The following TCEA3 variants were observed in gnomAD, a reference collection of about 807,000 sequenced individuals.
The protein encoded by TCEA3 is transcription elongation factor A3.
Under a neutral mutation model 44.0 loss-of-function variants are expected in TCEA3, and 36 were observed. The ratio of observed to expected loss-of-function variants is 0.82; its 90% CI spans 0.63 to 1.08. TCEA3 has a LOEUF of 1.08. Among genes scored for constraint, TCEA3 ranks in the 50% least tolerant of loss-of-function variants. TCEA3 has a pLI of 0.00. For missense variants in TCEA3, 392 were observed against 441.2 expected (o/e 0.89, Z 1.00); for synonymous variants, 162 against 159.7 (o/e 1.01, Z -0.11).
intron 8 of TCEA3, among the ~76,000 whole-genome samples, chr1:23,392,765 AC>A (rs1397663102): frequency 6.6e-6 from 1 of 150,554 alleles, no homozygotes; most frequent in East Asian, 2.0e-4. Context: ...TACACACCAC[AC>A]ACACACCCAC....
chr1:23,404,538 TAAG>T (rs999576350), intron 5 of TCEA3, among the ~76,000 whole-genome samples: 1 of 152,098 alleles, frequency 6.6e-6, no homozygotes, highest in Non-Finnish European at 1.5e-5. Flanking sequence ...TGGTTAGCCC[TAAG>T]AAGGGAGAGG....
chr1:23,408,423 AAATG>A (rs1384896189), intron 5 of TCEA3: 4 of 438,132 alleles, frequency 9.1e-6, no homozygotes, highest in African/African-American at 8.0e-5. Flanking sequence ...ATGAATGAAT[AAATG>A]AATGAATACA....
chr1:23,384,225 T>C, intron 10 of TCEA3, 121 bp downstream of exon 10: 6 of 1,577,166 alleles, frequency 3.8e-6, no homozygotes, highest in African/African-American at 1.3e-5. Context: ...GCAGACCTAC[T>C]CTGTGCAGGC....
intron 5 of TCEA3, among the ~76,000 whole-genome samples, chr1:23,405,006 T>C (rs1474474569): frequency 2.0e-5 from 3 of 151,978 alleles, no homozygotes; most frequent in Non-Finnish European, 4.4e-5. Context: ...GGTGTCTGGC[T>C]TTTCTTTAAA....
intron 5 of TCEA3, among the ~76,000 whole-genome samples, chr1:23,401,022 G>C (rs1351140785): frequency 1.3e-5 from 2 of 152,156 alleles, no homozygotes; most frequent in East Asian, 3.9e-4. Context: ...TGAGAGTGAG[G>C]CTAACTGAGT....
chr1:23,392,377 ACATCATACACAAAACACACTCCACACAT>A (rs201204625), intron 8 of TCEA3, among the ~76,000 whole-genome samples: 17 of 148,814 alleles, frequency 1.1e-4, no homozygotes, highest in East Asian at 6.0e-4. Flanking sequence ...CACACTCCAC[ACATCATACACAAAACACACTCCACACAT>A]CATCATGCAC....
chr1:23,408,839 C>T, intron 4 of TCEA3, 113 bp from the exon 5 acceptor site: 1 of 959,034 alleles, frequency 1.0e-6, no homozygotes, highest in South Asian at 1.6e-5. Flanking sequence ...GCTAAGGAAG[C>T]CCACCCGGGC....
At chr1:23,415,591 G>C (rs1639866288) in intron 4 of TCEA3, among the ~76,000 whole-genome samples, 1 of 152,204 alleles carries the variant, frequency 6.6e-6, no homozygotes, top group Non-Finnish European at 1.5e-5. Context: ...GCATGAACAG[G>C]AGGTAATCCA....
At chr1:23,423,098 C>A (rs988031855) in intron 1 of TCEA3, among the ~76,000 whole-genome samples, 1 of 152,196 alleles carries the variant, frequency 6.6e-6, no homozygotes, top group Non-Finnish European at 1.5e-5. Flanking sequence ...AATGCTCCCC[C>A]AAGACTTGTG....
rs552836187 is a variant in TCEA3 at position 23,411,755 on chromosome 1, AAGAG to A, written c.381-3033_381-3030del. The stretch of plus-strand genomic sequence containing the variant: ...CTCCAGAGCAAGGTTGAAGGAAAAA[AAGAG>A]AGAAAGACAAATTCCTTTACTATTA... On this transcript the variant is annotated intron_variant, in intron 4 of 10. Coordinates refer to ENST00000450454, the MANE Select transcript of TCEA3 (RefSeq NM_003196.3). Among the ~76,000 whole-genome samples, 346 of 152,348 alleles carry A rather than the reference AAGAG, an allele frequency of 2.3e-3. 1 individual carries two copies. The highest frequency in any genetic ancestry group is 8.1e-3 in the African/African-American group (336 of 41,586).
At chr1:23,418,229 A>G in intron 2 of TCEA3, 1 of 542,828 alleles carries the variant, frequency 1.8e-6, no homozygotes, top group Non-Finnish European at 3.3e-6. Context: ...GACATGGAGG[A>G]TATCTGTAGC....
At chr1:23,412,623 A>G (rs990227781) in intron 4 of TCEA3, among the ~76,000 whole-genome samples, 4 of 151,814 alleles carry the variant, frequency 2.6e-5, no homozygotes, top group African/African-American at 9.7e-5. Context: ...CAGAAGAATC[A>G]CTTGAACCTG....
intron 8 of TCEA3, 121 bp from the exon 9 acceptor site, chr1:23,387,540 G>A: frequency 3.3e-6 from 4 of 1,223,996 alleles, no homozygotes; most frequent in Non-Finnish European, 4.4e-6. Context: ...GCAAGGAGCT[G>A]GAAGGAGGCC....
At chr1:23,385,465 C>G (rs1638808279) in intron 9 of TCEA3, among the ~76,000 whole-genome samples, 1 of 152,198 alleles carries the variant, frequency 6.6e-6, no homozygotes, top group South Asian at 2.1e-4. Context: ...CGGAAAGGTG[C>G]TTGGGAGAGA....
chr1:23,401,348 C>T (rs1639389149), intron 5 of TCEA3, among the ~76,000 whole-genome samples: 1 of 152,114 alleles, frequency 6.6e-6, no homozygotes, highest in Admixed American at 6.5e-5. Context: ...CATTTCCTAG[C>T]TTTTATTTAT....
rs1004977473 is a variant in TCEA3, at chr1:23,381,107, G to A, written c.*359C>T. Reference sequence around the variant, plus strand: ...TATTTTTTCTTTTTATAGAGATGGGGTCTTGCTGTGTTGCCTGGGCTGGAC... The same window carrying A: ...TATTTTTTCTTTTTATAGAGATGGGATCTTGCTGTGTTGCCTGGGCTGGAC... On this transcript the variant is annotated 3_prime_UTR_variant, in exon 11 of 11. Coordinates refer to ENST00000450454, the MANE Select transcript of TCEA3 (RefSeq NM_003196.3). 4.2e-6 allele frequency: 1 copy of A among 235,886 alleles called. No individual in the cohort carries two copies. Among genetic ancestry groups the A allele is most frequent in the Admixed American group, 5.2e-5 (1 of 19,050 alleles). 14.6% of individuals were successfully genotyped at this position (235,886 alleles called of 1,614,324 possible). A position where few individuals can be genotyped will look rare whatever the true frequency, so the allele number is the denominator to read the frequency against.
intron 5 of TCEA3, among the ~76,000 whole-genome samples, chr1:23,400,318 G>T (rs542548633): frequency 1.3e-5 from 2 of 150,642 alleles, no homozygotes; most frequent in Non-Finnish European, 2.9e-5. Flanking sequence ...CAATCCTCCT[G>T]CCTCAGCCTC....
At chr1:23,408,433 A>G in intron 5 of TCEA3, 1 of 470,748 alleles carries the variant, frequency 2.1e-6, no homozygotes. Flanking sequence ...AAATGAATGA[A>G]TACATGATGA....
At chr1:23,420,430 G>T (rs1325971213) in intron 1 of TCEA3, among the ~76,000 whole-genome samples, 1 of 152,204 alleles carries the variant, frequency 6.6e-6, no homozygotes, top group African/African-American at 2.4e-5. Flanking sequence ...GTTTCGTAGA[G>T]ATAGGGTTTT....
Sources: gnomAD v4.1 joint callset for allele counts (sites outside exome capture counted in the v4.1 genomes callset) on GRCh38, gnomAD v4.1.1 for gene constraint, MANE v1.5 for transcripts, NCBI Gene and HGNC (gene_info 2026-07-23, HGNC 2026-07-21) for gene names.